The following ARHGAP4 variants were observed in gnomAD, a reference collection of about 807,000 sequenced individuals.
ARHGAP4 encodes the protein Rho GTPase activating protein 4.
In ARHGAP4, 25 loss-of-function variants were observed where a neutral mutation model predicts 67.6. The ratio of observed to expected loss-of-function variants is 0.37; its 90% confidence interval spans 0.27 to 0.52. The LOEUF is 0.52. Among genes scored for constraint, ARHGAP4 ranks in the 20% least tolerant of loss-of-function variants. The pLI is 0.92. For missense variants in ARHGAP4, 804 were observed against 854.6 expected (o/e 0.94, Z 0.74); for synonymous variants, 448 against 373.7 (o/e 1.20, Z -2.29).
At chrX:153,909,696 G>A (rs2065002098) in intron 19 of ARHGAP4, 45 bp downstream of exon 19, 1 of 1,140,335 alleles carries the variant, frequency 8.8e-7, no homozygotes, top group Non-Finnish European at 1.2e-6. Context: ...GTGGATGAAG[G>A]GGAGACTCCG....
At chrX:153,911,253 T>G in intron 12 of ARHGAP4, 64 bp from the exon 13 acceptor site, 7 of 61,270 alleles carry the variant, frequency 1.1e-4, no homozygotes, top group South Asian at 1.9e-3. Context: ...ATTCAATTGC[T>G]TTTTTTTTTT....
At chrX:153,912,926 G>C in intron 11 of ARHGAP4, 98 bp downstream of exon 11, 1 of 1,126,160 alleles carries the variant, frequency 8.9e-7, no homozygotes, top group Non-Finnish European at 1.2e-6. Flanking sequence ...GCGAAAACTG[G>C]GGAAGTGAGG....
intron 3 of ARHGAP4, 100 bp from the exon 4 acceptor site, chrX:153,921,259 G>A: frequency 1.7e-6 from 2 of 1,180,844 alleles, no homozygotes; most frequent in Non-Finnish European, 2.3e-6. Flanking sequence ...GGGCACACAG[G>A]TTCGCTCTGC....
Position 153,910,385 on chromosome X carries a change from C to A in ARHGAP4, c.1942G>T (p.Glu648Ter). The change falls in exon 17 of 22, where the codon GAG becomes TAG. Residue 648 changes from glutamate (E) to a stop codon, truncating the protein, a stop_gained. Transcript: ENST00000350060. LOFTEE classifies it high-confidence loss of function. ...AGGTTGTAGGGGTCCATCATGTTCT[C>A]ATCGCTGTACTGGGCCAGGCTGGGG... ...FLNHLAQYSD[E>*]NMMDPYNLAV... The A allele has an allele frequency of 8.4e-7, 1 of 1,197,243 alleles. No individual in the cohort carries two copies. The highest frequency in any genetic ancestry group is 1.1e-6 in the Non-Finnish European group (1 of 886,687).
intron 7 of ARHGAP4, among the ~76,000 whole-genome samples, chrX:153,916,525 C>A (rs2065056564): frequency 8.8e-6 from 1 of 113,173 alleles, no homozygotes. Flanking sequence ...AGCCCTCTCA[C>A]CCCCTCTCCT....
intron 5 of ARHGAP4, 190 bp from the exon 6 acceptor site, chrX:153,919,473 T>C: frequency 9.0e-7 from 1 of 1,116,521 alleles, no homozygotes. Context: ...AGGAGGTGAC[T>C]TGATTCCCCG....
At chrX:153,908,476 C>G (rs187766342) in intron 21 of ARHGAP4, among the ~76,000 whole-genome samples, 1 of 112,311 alleles carries the variant, frequency 8.9e-6, no homozygotes, top group East Asian at 2.8e-4. Context: ...CCACGTTCAG[C>G]CCGACAGTGT....
At position 153,918,955 on chromosome X, in the gene ARHGAP4, G is replaced by A; in HGVS notation, c.909C>T (p.Gly303=). The part of the protein sequence containing the change: ...RTQASQVQGL[G]SLEEAVEALD... ...GGGCCTCCACAGCTTCTTCCAGGCT[G>A]CCCAGGCCCTGCACTTGGGAGGCTT... Residue 303 remains glycine, a synonymous_variant, in exon 7 of 22, where the codon GGC becomes GGT. Transcript: ENST00000350060. 8.2e-7 allele frequency: 1 copy of A among 1,212,133 alleles called. No individual in the cohort carries two copies. Among genetic ancestry groups the A allele is most frequent in the Non-Finnish European group, 1.1e-6 (1 of 895,522 alleles).
At chrX:153,920,965 T>C in intron 4 of ARHGAP4, 132 bp downstream of exon 4, 1 of 991,745 alleles carries the variant, frequency 1.0e-6, no homozygotes, top group Non-Finnish European at 1.4e-6. Context: ...GAGAGGCCTT[T>C]GCCCCTAGGT....
At chrX:153,920,148 T>C (rs1429134478) in intron 5 of ARHGAP4, among the ~76,000 whole-genome samples, 2 of 111,879 alleles carry the variant, frequency 1.8e-5, no homozygotes, top group African/African-American at 6.5e-5. Flanking sequence ...AACTCTGTCA[T>C]TTCCCCTAAG....
chrX:153,921,660 G>A lies in ARHGAP4; in HGVS notation c.217C>T (p.Arg73Cys), dbSNP rs782237635. 3.3e-6 allele frequency: 4 copies of A among 1,209,031 alleles called. No homozygotes were observed. Among genetic ancestry groups the A allele is most frequent in the Non-Finnish European group, 4.5e-6 (4 of 894,560 alleles). ...YSRGLEKLAE[R>C]FSSRGGRLGS... ...AGGCGGCCTCCACGGCTGGAGAAGC[G>A]CTCGGCCAGCTTTTCCAGGCCCCGG... Residue 73 changes from arginine (R) to cysteine (C), a missense_variant, in exon 2 of 22, where the codon CGC (arginine) becomes TGC (cysteine). By Grantham distance (180) the Arg-to-Cys change is radical. This residue lies in a region of ARHGAP4 where 404 missense variants were observed against 505.9 expected (regional missense o/e 0.80). Coordinates refer to ENST00000350060, the MANE Select transcript of ARHGAP4 (RefSeq NM_001666.5).
chrX:153,910,889 G>GGC, intron 14 of ARHGAP4, 33 bp downstream of exon 14: 8 of 1,146,903 alleles, frequency 7.0e-6, no homozygotes, highest in Non-Finnish European at 9.3e-6. Flanking sequence ...ATCTGCCCGA[G>GGC]CCCCCACCCC....
intron 21 of ARHGAP4, among the ~76,000 whole-genome samples, chrX:153,908,213 C>A (rs1438613869): frequency 8.9e-6 from 1 of 112,007 alleles, no homozygotes; most frequent in Non-Finnish European, 1.9e-5. Flanking sequence ...CCTCTTCTCG[C>A]CCCCACTCTT....
Position 153,912,988 on chromosome X carries a change from A to T in ARHGAP4, c.1439+36T>A, listed in dbSNP as rs1269942966. 6 of 1,117,979 alleles carry T rather than the reference A, an allele frequency of 5.4e-6. No individual in the cohort carries two copies. The East Asian group carries it at 2.0e-4, about 37-fold the overall frequency. The allele number at this position is 1,117,979 out of a possible 1,213,427, so 92.1% of individuals were successfully genotyped here. A position where few individuals can be genotyped will look rare whatever the true frequency, so the allele number is the denominator to read the frequency against. On this transcript the variant is annotated intron_variant, in intron 11 of 21. Transcript: ENST00000350060. ...GCCCCAGGAAGAGAAGAGATGGCGG[A>T]CCGTCGCAGGGCCCCAGCCCTCAGG...
At chrX:153,919,641 C>CAGGT in intron 5 of ARHGAP4, 1 of 1,167,046 alleles carries the variant, frequency 8.6e-7, no homozygotes, top group Admixed American at 2.6e-5. Context: ...AGCCAGCACA[C>CAGGT]AGGTGCACAG....
chrX:153,912,421 G>A (rs1008668589), intron 12 of ARHGAP4, among the ~76,000 whole-genome samples: 1 of 111,919 alleles, frequency 8.9e-6, no homozygotes, highest in African/African-American at 3.2e-5. Context: ...GCCAGAAGTC[G>A]CAGGGGAGAA....
At chrX:153,919,818 G>A (rs1205160607) in intron 5 of ARHGAP4, 22 of 661,766 alleles carry the variant, frequency 3.3e-5, no homozygotes, top group Non-Finnish European at 4.4e-5. Context: ...ACAGAGTCTC[G>A]CTCTGTCGCC....
chrX:153,910,828 T>C lies in ARHGAP4; in HGVS notation c.1688A>G (p.Asp563Gly). The C allele has an allele frequency of 8.4e-7, 1 of 1,187,162 alleles. No homozygotes were observed. The highest frequency in any genetic ancestry group is 1.1e-6 in the Non-Finnish European group (1 of 882,779). ...EIRDAFERGE[D>G]PLVEGCTAHD... The stretch of plus-strand genomic sequence containing the variant: ...GGCAGTGCAGCCCTCCACCAGTGGG[T>C]CCTCCCCTGCAGATGGGCGAGTGGT... The change falls in exon 15 of 22, where the codon GAC (aspartate) becomes GGC (glycine). Residue 563 changes from aspartate to glycine, a missense_variant. Asp to Gly is a moderately conservative substitution (Grantham distance 94). This residue lies in a region of ARHGAP4 where 404 missense variants were observed against 505.9 expected (regional missense o/e 0.80). Transcript: ENST00000350060.
intron 1 of ARHGAP4, 96 bp downstream of exon 1, chrX:153,926,040 C>G (rs1393691332): frequency 9.1e-7 from 1 of 1,096,711 alleles, no homozygotes; most frequent in Non-Finnish European, 1.2e-6. Flanking sequence ...CTGGGGAGAG[C>G]ATCGGGCCCT....
Sources: allele counts gnomAD v4.1 joint callset (sites outside exome capture counted in the v4.1 genomes callset), GRCh38; gene constraint gnomAD v4.1.1; regional missense constraint gnomAD v4.1.1; transcripts MANE v1.5; gene names NCBI Gene and HGNC (gene_info 2026-07-23, HGNC 2026-07-21).